DMD: variants seen among roughly 807,000 people sequenced by gnomAD.
The protein encoded by DMD is mutant dystrophin.
In DMD, 63 loss-of-function variants were observed where a neutral mutation model predicts 330.1. The ratio of observed to expected loss-of-function variants is 0.19; its 90% CI spans 0.16 to 0.24. DMD has a LOEUF of 0.24. Ranked by LOEUF, DMD falls within the 10% of genes least tolerant of loss-of-function variation. The pLI is 1.00. For missense variants in DMD, 3,344 were observed against 2,684.1 expected (o/e 1.25, Z -5.43); for synonymous variants, 1,223 against 959.8 (o/e 1.27, Z -5.07).
intron 30 of DMD, among the ~76,000 whole-genome samples, chrX:32,410,654 G>C (rs2098137896): frequency 1.8e-5 from 2 of 111,216 alleles, no homozygotes; most frequent in South Asian, 7.6e-4. Context: ...TTGGTGATTG[G>C]GTTCACAACA....
chrX:31,877,135 A>T (rs2093980367), intron 47 of DMD, among the ~76,000 whole-genome samples: 1 of 112,260 alleles, frequency 8.9e-6, no homozygotes, highest in African/African-American at 3.2e-5. Context: ...AATGTACAGA[A>T]AAATGAATTT....
intron 71 of DMD, among the ~76,000 whole-genome samples, chrX:31,176,373 T>G (rs5972327): frequency 6.2e-4 from 69 of 111,963 alleles, no homozygotes; most frequent in African/African-American, 2.2e-3. Context: ...AGACAAAATC[T>G]TCTACTTAAA....
chrX:32,949,580 C>T (rs1233694329), intron 2 of DMD, among the ~76,000 whole-genome samples: 1 of 111,138 alleles, frequency 9.0e-6, no homozygotes, highest in Non-Finnish European at 1.9e-5. Context: ...GTGTTTCATC[C>T]CCTATCATGC....
At chrX:32,201,572 AT>A (rs2097039033) in intron 44 of DMD, among the ~76,000 whole-genome samples, 1 of 105,396 alleles carries the variant, frequency 9.5e-6, no homozygotes, top group African/African-American at 3.5e-5. Context: ...TTCTTATTTC[AT>A]TTTGGGTTTT....
intron 45 of DMD, among the ~76,000 whole-genome samples, chrX:31,958,122 A>ATTTTT (rs2095265720): frequency 8.4e-4 from 70 of 83,479 alleles, no homozygotes; most frequent in African/African-American, 2.9e-3. Flanking sequence ...TTTTTTTTTA[A>ATTTTT]AAATGGTACA....
Position 31,485,664 on chromosome X carries a change from A to G in DMD, c.8548-6561T>C, listed in dbSNP as rs7058993. Among the ~76,000 whole-genome samples the G allele has an allele frequency of 4.9e-3, 553 of 111,875 alleles. 4 individuals are homozygous for G. The highest frequency in any genetic ancestry group is 0.017 in the African/African-American group (516 of 30,805). ...GAGAACTCTGGGCATAGGTAATGAC[A>G]TGACAGGGAGAAAAGCTATCTTGCT... On this transcript the variant is annotated intron_variant, in intron 57 of 78. Coordinates refer to ENST00000357033, the MANE Select transcript of DMD (RefSeq NM_004006.3).
At chrX:31,453,587 T>C (rs2065920807) in intron 59 of DMD, among the ~76,000 whole-genome samples, 1 of 110,003 alleles carries the variant, frequency 9.1e-6, no homozygotes, top group Non-Finnish European at 1.9e-5. Flanking sequence ...TACATTTAAA[T>C]AGAGCCAAGA....
intron 12 of DMD, among the ~76,000 whole-genome samples, chrX:32,612,251 C>T (rs919961710): frequency 2.4e-4 from 27 of 110,807 alleles, no homozygotes; most frequent in African/African-American, 8.2e-4. Context: ...ACTTTTACTC[C>T]TCATTGGCTA....
At chrX:31,496,557 CT>C (rs1161964946) in intron 57 of DMD, among the ~76,000 whole-genome samples, 1 of 111,183 alleles carries the variant, frequency 9.0e-6, no homozygotes, top group Non-Finnish European at 1.9e-5. Flanking sequence ...TCATGAAAAG[CT>C]TTTTTTTATA....
intron 2 of DMD, among the ~76,000 whole-genome samples, chrX:32,977,511 G>A (rs949043221): frequency 9.1e-6 from 1 of 109,998 alleles, no homozygotes; most frequent in Non-Finnish European, 1.9e-5. Context: ...ACTCAACCCA[G>A]AGTAATTTCA....
At chrX:32,498,539 T>C (rs1349543667) in intron 19 of DMD, among the ~76,000 whole-genome samples, 1 of 111,024 alleles carries the variant, frequency 9.0e-6, no homozygotes, top group Non-Finnish European at 1.9e-5. Flanking sequence ...CATGTATAGT[T>C]TTAAAGCAGG....
chrX:31,592,174 C>G (rs747032434), intron 55 of DMD, among the ~76,000 whole-genome samples: 2 of 109,242 alleles, frequency 1.8e-5, no homozygotes, highest in East Asian at 5.7e-4. Context: ...CAGTGCCCAA[C>G]ATATAATAGA....
chrX:31,939,724 T>A (rs2094968554), intron 45 of DMD, among the ~76,000 whole-genome samples: 1 of 111,573 alleles, frequency 9.0e-6, no homozygotes. Flanking sequence ...GATACAGAGC[T>A]TTCTGTTTTA....
chrX:32,394,931 AAAG>A (rs1198579655), intron 30 of DMD, among the ~76,000 whole-genome samples: 23 of 90,189 alleles, frequency 2.6e-4, no homozygotes, highest in Non-Finnish European at 4.7e-4. Flanking sequence ...AAAAAAAAAA[AAAG>A]AAAAGAAATC....
At chrX:31,972,375 A>G (rs1380753865) in intron 44 of DMD, among the ~76,000 whole-genome samples, 1 of 111,590 alleles carries the variant, frequency 9.0e-6, no homozygotes, top group Non-Finnish European at 1.9e-5. Context: ...AGAAACCACT[A>G]CCTTTTCTAT....
intron 1 of DMD, among the ~76,000 whole-genome samples, chrX:33,087,410 T>A (rs1569553610): frequency 8.9e-6 from 1 of 112,082 alleles, no homozygotes; most frequent in Non-Finnish European, 1.9e-5. Flanking sequence ...TTAAAATACA[T>A]ATTTGTGTTG....
intron 44 of DMD, among the ~76,000 whole-genome samples, chrX:32,199,771 G>T: frequency 1.1e-5 from 1 of 91,547 alleles, no homozygotes; most frequent in Non-Finnish European, 2.2e-5. Flanking sequence ...GCGCCACCAC[G>T]CAAGGCTTTT....
intron 51 of DMD, among the ~76,000 whole-genome samples, chrX:31,762,060 T>C (rs2089636326): frequency 8.9e-6 from 1 of 112,243 alleles, no homozygotes; most frequent in East Asian, 2.8e-4. Flanking sequence ...CCTCCCAAGA[T>C]CCTTAGAAGT....
At chrX:32,686,541 A>G (rs2062878350) in intron 9 of DMD, among the ~76,000 whole-genome samples, 1 of 98,107 alleles carries the variant, frequency 1.0e-5, no homozygotes, top group Non-Finnish European at 2.0e-5. Context: ...CCGGGGCAAC[A>G]GAGCAAAAAC....
Sources: allele counts gnomAD v4.1 joint callset (sites outside exome capture counted in the v4.1 genomes callset), GRCh38; gene constraint gnomAD v4.1.1; transcripts MANE v1.5; gene names NCBI Gene and HGNC (gene_info 2026-07-23, HGNC 2026-07-21).